The following TMEM131 variants were observed in gnomAD, a reference collection of about 807,000 sequenced individuals.
The protein encoded by TMEM131 is 2610524E03Rik.
A neutral mutation model predicts 211.6 loss-of-function variants in TMEM131; 66 were observed. That is an observed-to-expected ratio of 0.31 (90% CI 0.26 to 0.38). The LOEUF is 0.38. TMEM131 is among the 10% of genes least tolerant of loss of function. The probability of loss-of-function intolerance (pLI) is 1.00; values close to 1 mark genes in which losing one functional copy is unlikely to be tolerated. For missense variants in TMEM131, 2,036 were observed against 2,299.3 expected (o/e 0.89, Z 2.34); for synonymous variants, 844 against 841.3 (o/e 1.00, Z -0.06).
Position 97,805,383 on chromosome 2 carries a change from T to C in TMEM131, c.2277A>G (p.Leu759=). 3.7e-6 allele frequency: 6 copies of C among 1,613,598 alleles called. No individual in the cohort carries two copies. The highest frequency in any genetic ancestry group is 5.1e-6 in the Non-Finnish European group (6 of 1,179,626). ...GDHCYVGLPF[L]SKSEPKVQPG... ...AACAGCAAGGTCACTTACATTTGGA[T>C]AGAAAAGGCAAGCCAACATAGCAAT... The change falls in exon 21 of 41, where the codon CTA becomes CTG. Residue 759 remains leucine (L), a synonymous_variant. Coordinates refer to ENST00000186436, the MANE Select transcript of TMEM131 (RefSeq NM_015348.2).
chr2:97,967,844 C>G lies in TMEM131; in HGVS notation c.187+27632G>C, dbSNP rs76839899. Among the ~76,000 whole-genome samples the G allele has an allele frequency of 1.7e-3, 251 of 152,048 alleles. 4 individuals are homozygous for G. The East Asian group carries it at 0.044, about 27-fold the overall frequency. ...TCTTCTTATCATACCATGTTGTCTT[C>G]CCATGTAACACATCCTGTTGGGATG... On this transcript the variant is annotated intron_variant, in intron 1 of 40. Coordinates refer to ENST00000186436, the MANE Select transcript of TMEM131 (RefSeq NM_015348.2).
At chr2:97,905,700 C>G (rs986556974) in intron 3 of TMEM131, among the ~76,000 whole-genome samples, 1 of 152,224 alleles carries the variant, frequency 6.6e-6, no homozygotes, top group Non-Finnish European at 1.5e-5. Context: ...TTTTTCAACT[C>G]TAGAGGCTTC....
At position 97,796,229 on chromosome 2, in the gene TMEM131, A is replaced by G. The variant is rs769315957; in HGVS notation, c.3189T>C (p.Asp1063=). 2.0e-6 allele frequency: 3 copies of G among 1,538,088 alleles called. No homozygotes were observed. The highest frequency in any genetic ancestry group is 2.4e-5 in the South Asian group (2 of 81,910). The change falls in exon 28 of 41, where the codon GAT becomes GAC. Residue 1063 remains aspartate, a synonymous_variant. Transcript: ENST00000186436. ...AATAAAATACTTACAATATGATTAT[A>G]TCTCTAGAAGCATTGGCACTTAGAG... ...EFTLSANASR[D]IIILFTPDFT...
At chr2:97,764,724 G>A (rs1212177968) in intron 35 of TMEM131, 1 of 152,412 alleles carries the variant, frequency 6.6e-6, no homozygotes, top group Non-Finnish European at 1.5e-5. Context: ...CCTGCCCCGA[G>A]GAGTGGCACC....
chr2:97,977,163 G>A (rs1192192143), intron 1 of TMEM131, among the ~76,000 whole-genome samples: 1 of 152,096 alleles, frequency 6.6e-6, no homozygotes, highest in Non-Finnish European at 1.5e-5. Context: ...GAGCAAATTG[G>A]TAAAGTTGAT....
intron 4 of TMEM131, among the ~76,000 whole-genome samples, chr2:97,883,677 C>T (rs1463544172): frequency 1.3e-5 from 2 of 152,116 alleles, no homozygotes; most frequent in Non-Finnish European, 2.9e-5. Flanking sequence ...TCATCAGTTT[C>T]AGCACTGATC....
intron 5 of TMEM131, among the ~76,000 whole-genome samples, chr2:97,844,715 A>G (rs1683345593): frequency 1.3e-5 from 2 of 152,212 alleles, no homozygotes; most frequent in South Asian, 4.1e-4. Flanking sequence ...CCAGCAACTT[A>G]AATAGGAAAG....
At chr2:97,837,453 C>A (rs1682990041) in intron 7 of TMEM131, among the ~76,000 whole-genome samples, 1 of 151,906 alleles carries the variant, frequency 6.6e-6, no homozygotes, top group African/African-American at 2.4e-5. Flanking sequence ...TTTCTTTTTT[C>A]CAAAGGGAAT....
chr2:97,815,263 C>T lies in TMEM131; in HGVS notation c.1228G>A (p.Val410Ile), dbSNP rs774424894. Reference protein sequence around the residue: ...KPSQFSGKITVKAKEKSYSKL... With the variant: ...KPSQFSGKITIKAKEKSYSKL... ...GAATAACTCTTTTCCTTTGCTTTAA[C>T]TGTTATTTTCCCAGAAAACTGAGAT... is the stretch of plus-strand genomic sequence containing the variant. The change falls in exon 13 of 41, where the codon GTT (valine) becomes ATT (isoleucine). Residue 410 changes from valine to isoleucine, a missense_variant. Around this residue, in one of 3 missense-constraint regions of TMEM131, gnomAD observed 1,623 missense variants for 1,805.9 expected, o/e 0.90. Transcript: ENST00000186436. 8 of 1,572,394 alleles carry T rather than the reference C, an allele frequency of 5.1e-6. No individual in the cohort carries two copies. In the African/African-American group the frequency reaches 1.1e-4, roughly 22 times the overall value.
chr2:97,924,244 A>G (rs563516288), intron 2 of TMEM131, among the ~76,000 whole-genome samples: 32 of 150,652 alleles, frequency 2.1e-4, no homozygotes, highest in Non-Finnish European at 4.1e-4. Flanking sequence ...TTGGATGGGT[A>G]TGGTGGCATG....
chr2:97,847,064 A>G (rs1683474215), intron 5 of TMEM131, among the ~76,000 whole-genome samples: 1 of 11,082 alleles, frequency 9.0e-5, no homozygotes, highest in Non-Finnish European at 1.8e-4. Context: ...CTGTAGTCCC[A>G]GCTACTGGGG....
chr2:97,780,983 T>A (rs1044295078), intron 31 of TMEM131, among the ~76,000 whole-genome samples: 1 of 152,148 alleles, frequency 6.6e-6, no homozygotes, highest in Non-Finnish European at 1.5e-5. Context: ...ACTGCCCGGA[T>A]GAAGCATCCC....
At chr2:97,823,217 A>G (rs556245471) in intron 11 of TMEM131, among the ~76,000 whole-genome samples, 66 of 152,056 alleles carry the variant, frequency 4.3e-4, no homozygotes, top group Non-Finnish European at 8.4e-4. Flanking sequence ...ACCCAGAAGG[A>G]AACAAGCAAA....
intron 19 of TMEM131, among the ~76,000 whole-genome samples, chr2:97,809,308 G>A (rs973101783): frequency 5.3e-5 from 8 of 152,132 alleles, no homozygotes; most frequent in Non-Finnish European, 1.2e-4. Context: ...TCCCTGTTGA[G>A]CTTGCGCCCT....
chr2:97,895,686 T>G (rs1405229423), intron 3 of TMEM131, among the ~76,000 whole-genome samples: 1 of 152,144 alleles, frequency 6.6e-6, no homozygotes, highest in Non-Finnish European at 1.5e-5. Flanking sequence ...CTGATGGTAG[T>G]TTTTTATTTC....
chr2:97,978,634 T>C (rs1318337690), intron 1 of TMEM131, among the ~76,000 whole-genome samples: 4 of 152,184 alleles, frequency 2.6e-5, no homozygotes, highest in Non-Finnish European at 5.9e-5. Context: ...TCCTCCCGCC[T>C]AGGCCTCTGA....
At chr2:97,817,391 CA>C (rs1447919776) in intron 12 of TMEM131, among the ~76,000 whole-genome samples, 2 of 152,132 alleles carry the variant, frequency 1.3e-5, no homozygotes, top group African/African-American at 4.8e-5. Flanking sequence ...AGTTTGAGAC[CA>C]GCCTGGCCAA....
At chr2:97,951,659 G>T (rs1678320362) in intron 1 of TMEM131, among the ~76,000 whole-genome samples, 2 of 152,032 alleles carry the variant, frequency 1.3e-5, no homozygotes, top group South Asian at 4.1e-4. Context: ...GCAATTTCAA[G>T]TTGTACTCCA....
chr2:97,987,529 A>C (rs1416228172), intron 1 of TMEM131, among the ~76,000 whole-genome samples: 3 of 152,096 alleles, frequency 2.0e-5, no homozygotes, highest in African/African-American at 4.8e-5. Context: ...AAAACAAAAA[A>C]AAGTCACAAA....
Sources: gnomAD v4.1 joint callset for allele counts (sites outside exome capture counted in the v4.1 genomes callset) on GRCh38, gnomAD v4.1.1 for gene constraint, gnomAD v4.1.1 regional missense constraint, MANE v1.5 for transcripts, NCBI Gene and HGNC (gene_info 2026-07-23, HGNC 2026-07-21) for gene names.